ZCCHC7: variants seen among roughly 807,000 people sequenced by gnomAD.
ZCCHC7 encodes zinc finger CCHC-type containing 7.
ZCCHC7 carries 35 observed loss-of-function variants against 52.0 expected under a neutral mutation model. The ratio of observed to expected loss-of-function variants is 0.67; its 90% CI spans 0.51 to 0.89. ZCCHC7 has a LOEUF of 0.89. Ranked by LOEUF, ZCCHC7 falls within the 40% of genes least tolerant of loss-of-function variation. ZCCHC7 has a pLI of 0.00. For synonymous variants in ZCCHC7, 217 were observed against 221.5 expected (o/e 0.98, Z 0.18); for missense variants, 574 against 649.1 (o/e 0.88, Z 1.26).
At chr9:37,278,954 GGCA>G (rs1480630352) in intron 2 of ZCCHC7, among the ~76,000 whole-genome samples, 2 of 152,076 alleles carry the variant, frequency 1.3e-5, no homozygotes, top group Admixed American at 6.5e-5. Flanking sequence ...GAGGCCACAC[GGCA>G]GGTGGATCAC....
intron 2 of ZCCHC7, among the ~76,000 whole-genome samples, chr9:37,246,266 G>A (rs941372547): frequency 2.0e-5 from 3 of 152,016 alleles, no homozygotes; most frequent in African/African-American, 7.2e-5. Flanking sequence ...CTAATTTGAG[G>A]TGTCCAGAAA....
intron 5 of ZCCHC7, among the ~76,000 whole-genome samples, chr9:37,313,202 C>A (rs1829669573): frequency 6.6e-6 from 1 of 152,160 alleles, no homozygotes; most frequent in African/African-American, 2.4e-5. Context: ...AATATTGGAG[C>A]AAGAGGGCAG....
chr9:37,166,389 TC>T (rs1195059179), intron 2 of ZCCHC7, among the ~76,000 whole-genome samples: 1 of 152,026 alleles, frequency 6.6e-6, no homozygotes, highest in African/African-American at 2.4e-5. Flanking sequence ...AGAGCAAGAC[TC>T]CATCTCAAAA....
intron 2 of ZCCHC7, among the ~76,000 whole-genome samples, chr9:37,272,788 C>G (rs1827489945): frequency 6.6e-6 from 1 of 152,188 alleles, no homozygotes; most frequent in Non-Finnish European, 1.5e-5. Context: ...TTCTTCTAAA[C>G]TTATCTGCAC....
intron 2 of ZCCHC7, among the ~76,000 whole-genome samples, chr9:37,133,082 C>T (rs533899125): frequency 2.6e-5 from 4 of 152,140 alleles, no homozygotes; most frequent in Non-Finnish European, 4.4e-5. Context: ...TGCAGTGAGC[C>T]GAGATCGTGC....
At chr9:37,255,817 G>A (rs1193823780) in intron 2 of ZCCHC7, among the ~76,000 whole-genome samples, 2 of 152,132 alleles carry the variant, frequency 1.3e-5, no homozygotes, top group Non-Finnish European at 2.9e-5. Context: ...CTTGTGGTAG[G>A]TTCTAGAGTG....
intron 2 of ZCCHC7, among the ~76,000 whole-genome samples, chr9:37,199,331 T>C (rs954257551): frequency 4.0e-5 from 6 of 148,370 alleles, no homozygotes; most frequent in Admixed American, 1.3e-4. Context: ...TTTCTTCTTT[T>C]TTTTTTTTTT....
intron 2 of ZCCHC7, among the ~76,000 whole-genome samples, chr9:37,290,585 GGCGGAT>G (rs1828488534): frequency 6.6e-6 from 1 of 152,146 alleles, no homozygotes; most frequent in Non-Finnish European, 1.5e-5. Context: ...GCACCCGGGA[GGCGGAT>G]GGAGGTTGCA....
At chr9:37,150,927 TA>T (rs1820482808) in intron 2 of ZCCHC7, among the ~76,000 whole-genome samples, 1 of 151,916 alleles carries the variant, frequency 6.6e-6, no homozygotes, top group South Asian at 2.1e-4. Flanking sequence ...CATTGGAATT[TA>T]TAGAGATATA....
At chr9:37,143,429 G>A (rs1490185436) in intron 2 of ZCCHC7, among the ~76,000 whole-genome samples, 1 of 151,016 alleles carries the variant, frequency 6.6e-6, no homozygotes, top group African/African-American at 2.4e-5. Context: ...TTTAAATTGG[G>A]ATTTGTTTGT....
chr9:37,281,147 C>CT (rs1162156740), intron 2 of ZCCHC7, among the ~76,000 whole-genome samples: 2 of 152,128 alleles, frequency 1.3e-5, no homozygotes, highest in Non-Finnish European at 2.9e-5. Flanking sequence ...TCCTGAGTAG[C>CT]TGGGACCACA....
At chr9:37,132,910 G>T (rs950490234) in intron 2 of ZCCHC7, among the ~76,000 whole-genome samples, 1 of 152,142 alleles carries the variant, frequency 6.6e-6, no homozygotes, top group Non-Finnish European at 1.5e-5. Flanking sequence ...AGGCCGAGGC[G>T]GGCGGATCAC....
chr9:37,326,921 A>G (rs541543972), intron 5 of ZCCHC7: 1 of 152,184 alleles, frequency 6.6e-6, no homozygotes, highest in African/African-American at 2.4e-5. Flanking sequence ...ATTTATTCCA[A>G]CCATTTATAT....
chr9:37,218,110 A>T (rs1824607475), intron 2 of ZCCHC7, among the ~76,000 whole-genome samples: 1 of 152,170 alleles, frequency 6.6e-6, no homozygotes, highest in Non-Finnish European at 1.5e-5. Context: ...TTAAATTCCT[A>T]ATTATGGTTT....
At chr9:37,330,984 G>C (rs1441189059) in intron 6 of ZCCHC7, among the ~76,000 whole-genome samples, 1 of 151,646 alleles carries the variant, frequency 6.6e-6, no homozygotes, top group Non-Finnish European at 1.5e-5. Context: ...TTTGCTATTT[G>C]AGGGCTGTAT....
At chr9:37,120,415 A>G (rs117498013), upstream of ZCCHC7, 7,323 of 392,994 alleles carry the variant, frequency 0.019, 91 homozygotes, top group Middle Eastern at 0.033. Context: ...CGGGGCAGAG[A>G]ACGGTTCGCA....
intron 6 of ZCCHC7, among the ~76,000 whole-genome samples, chr9:37,338,684 A>AT (rs1315631705): frequency 1.3e-5 from 2 of 152,036 alleles, no homozygotes; most frequent in Non-Finnish European, 2.9e-5. Flanking sequence ...TGAGAGATGC[A>AT]TTTTTTTACT....
At chr9:37,181,899 G>A (rs1822376577) in intron 2 of ZCCHC7, among the ~76,000 whole-genome samples, 1 of 152,070 alleles carries the variant, frequency 6.6e-6, no homozygotes, top group Non-Finnish European at 1.5e-5. Flanking sequence ...CGCCCAGGCT[G>A]GTCTTAAACT....
At chr9:37,184,369 A>G (rs1198044626) in intron 2 of ZCCHC7, among the ~76,000 whole-genome samples, 1 of 150,566 alleles carries the variant, frequency 6.6e-6, no homozygotes. Flanking sequence ...GCAGTTTTCT[A>G]GATTCCCATT....
Sources: gnomAD v4.1 joint callset for allele counts (sites outside exome capture counted in the v4.1 genomes callset) on GRCh38, gnomAD v4.1.1 for gene constraint, MANE v1.5 for transcripts, NCBI Gene and HGNC (gene_info 2026-07-23, HGNC 2026-07-21) for gene names.